The following GALNT10 variants were observed in gnomAD, a reference collection of about 807,000 sequenced individuals.
GALNT10 encodes the protein polypeptide N-acetylgalactosaminyltransferase 10.
In GALNT10, 41 loss-of-function variants were observed where a neutral mutation model predicts 75.0. The ratio of observed to expected loss-of-function variants is 0.55; its 90% CI spans 0.43 to 0.71. The LOEUF (loss-of-function observed/expected upper bound fraction) is 0.71, where lower values mean the gene tolerates loss of function less well. GALNT10 is among the 30% of genes least tolerant of loss of function. The pLI is 0.00. For synonymous variants in GALNT10, 302 were observed against 313.0 expected (o/e 0.96, Z 0.37); for missense variants, 727 against 818.5 (o/e 0.89, Z 1.36).
At chr5:154,286,088 T>C (rs945990167) in intron 1 of GALNT10, among the ~76,000 whole-genome samples, 1 of 152,226 alleles carries the variant, frequency 6.6e-6, no homozygotes, top group African/African-American at 2.4e-5. Flanking sequence ...ACTATCTTTG[T>C]ACCATGTACC....
intron 1 of GALNT10, among the ~76,000 whole-genome samples, chr5:154,283,502 G>A (rs1469362128): frequency 2.0e-5 from 3 of 152,094 alleles, no homozygotes; most frequent in African/African-American, 7.2e-5. Flanking sequence ...GTGACAGAGT[G>A]AGAGTGAGGT....
chr5:154,359,814 C>T (rs751355662), intron 4 of GALNT10, among the ~76,000 whole-genome samples: 19 of 151,082 alleles, frequency 1.3e-4, no homozygotes, highest in Non-Finnish European at 1.6e-4. Context: ...TAAAATACAG[C>T]TTCACTTCTC....
chr5:154,334,842 A>G (rs766796855), intron 4 of GALNT10, among the ~76,000 whole-genome samples: 7 of 152,236 alleles, frequency 4.6e-5, no homozygotes, highest in Non-Finnish European at 4.4e-5. Flanking sequence ...TGGGCCCGTT[A>G]GTTCACATGG....
intron 1 of GALNT10, among the ~76,000 whole-genome samples, chr5:154,262,294 C>T (rs1378702998): frequency 6.6e-6 from 1 of 152,174 alleles, no homozygotes; most frequent in Non-Finnish European, 1.5e-5. Context: ...AGCTAGGTCA[C>T]GGGACCCCTC....
At chr5:154,209,811 GTCTT>G (rs751529120) in intron 1 of GALNT10, among the ~76,000 whole-genome samples, 3 of 152,150 alleles carry the variant, frequency 2.0e-5, no homozygotes, top group Non-Finnish European at 4.4e-5. Context: ...TGGCAGAAGA[GTCTT>G]TCTGATTTAG....
At chr5:154,265,872 A>G (rs945605856) in intron 1 of GALNT10, among the ~76,000 whole-genome samples, 7 of 150,794 alleles carry the variant, frequency 4.6e-5, no homozygotes, top group African/African-American at 1.7e-4. Flanking sequence ...AGTCACCTGG[A>G]GTTTTTCTAT....
chr5:154,311,977 G>A (rs979698833), intron 3 of GALNT10, among the ~76,000 whole-genome samples: 1 of 152,078 alleles, frequency 6.6e-6, no homozygotes, highest in African/African-American at 2.4e-5. Context: ...CTAGTGAGTG[G>A]TATTTGCTAC....
chr5:154,192,478 A>G (rs754935613), intron 1 of GALNT10, among the ~76,000 whole-genome samples: 2 of 152,222 alleles, frequency 1.3e-5, no homozygotes, highest in Non-Finnish European at 2.9e-5. Context: ...CAGTACCAGC[A>G]TCAGAGTCAG....
chr5:154,235,548 G>A (rs914657097), intron 1 of GALNT10, among the ~76,000 whole-genome samples: 1 of 152,138 alleles, frequency 6.6e-6, no homozygotes. Flanking sequence ...GTGTTTATGT[G>A]CTTGAGTGTT....
chr5:154,215,739 G>A (rs530423407), intron 1 of GALNT10, among the ~76,000 whole-genome samples: 2 of 152,088 alleles, frequency 1.3e-5, no homozygotes, highest in Non-Finnish European at 2.9e-5. Context: ...TGTGTGCATC[G>A]CTGCTGCAGG....
intron 7 of GALNT10, chr5:154,386,873 A>G (rs972047872): frequency 1.3e-4 from 28 of 219,374 alleles, no homozygotes; most frequent in Admixed American, 1.2e-3. Flanking sequence ...GAGTTTGACA[A>G]AGACCAGTGA....
chr5:154,234,950 C>T (rs1472492643), intron 1 of GALNT10, among the ~76,000 whole-genome samples: 1 of 152,216 alleles, frequency 6.6e-6, no homozygotes, highest in Non-Finnish European at 1.5e-5. Flanking sequence ...CTGAGATCTG[C>T]TGAGCCTTGA....
intron 1 of GALNT10, among the ~76,000 whole-genome samples, chr5:154,237,988 TGG>T (rs1207406026): frequency 1.3e-5 from 2 of 152,220 alleles, no homozygotes; most frequent in African/African-American, 4.8e-5. Context: ...AGAAGGCTTT[TGG>T]GGCCATTTGT....
rs1180691505 is a variant in GALNT10 at position 154,376,303 on chromosome 5, T to C, written c.595T>C (p.Tyr199His). The change falls in exon 5 of 12, where the codon TAC becomes CAC. Residue 199 changes from tyrosine (Y) to histidine (H), a missense_variant. Physicochemically the swap from Tyr to His is moderately conservative, Grantham distance 83. Transcript: ENST00000297107. The surrounding 1 kb of genome is among the most constrained non-coding windows in gnomAD (Gnocchi z 4.1). ...REHLKKPLED[Y>H]MALFPSVRIL... ...GCACCTGAAGAAGCCTCTTGAAGAC[T>C]ACATGGCCCTTTTCCCCAGTGTGAG... 2.5e-6 allele frequency: 4 copies of C among 1,612,718 alleles called. No individual in the cohort carries two copies. The highest frequency in any genetic ancestry group is 3.4e-6 in the Non-Finnish European group (4 of 1,179,058).
At position 154,376,453 on chromosome 5, in the gene GALNT10, C is replaced by G; in HGVS notation, c.745C>G (p.Pro249Ala). ...HCEANVNWLP[P>A]LLDRIARNRK... ...TGAAGCCAATGTCAACTGGCTTCCCCCCTTGCTTGGTAAGGGAGCCCCTCC... is the reference window on the plus strand; with the variant it reads ...TGAAGCCAATGTCAACTGGCTTCCCGCCTTGCTTGGTAAGGGAGCCCCTCC... Residue 249 changes from proline to alanine, a missense_variant, in exon 5 of 12, where the codon CCC becomes GCC. Pro to Ala is a conservative substitution (Grantham distance 27). Coordinates refer to ENST00000297107, the MANE Select transcript of GALNT10 (RefSeq NM_198321.4). The surrounding 1 kb of genome is among the most constrained non-coding windows in gnomAD (Gnocchi z 4.1). 1 of 1,573,512 alleles carries G rather than the reference C, an allele frequency of 6.4e-7. No homozygotes were observed. Among genetic ancestry groups the G allele is most frequent in the East Asian group, 2.3e-5 (1 of 43,310 alleles).
At chr5:154,247,190 T>C (rs571925265) in intron 1 of GALNT10, among the ~76,000 whole-genome samples, 4 of 152,290 alleles carry the variant, frequency 2.6e-5, no homozygotes, top group Admixed American at 2.0e-4. Flanking sequence ...GGTACCAGTA[T>C]CACGCTGTTT....
intron 10 of GALNT10, among the ~76,000 whole-genome samples, chr5:154,413,726 T>C (rs2113226144): frequency 6.6e-6 from 1 of 152,328 alleles, no homozygotes; most frequent in Middle Eastern, 3.4e-3. Flanking sequence ...GTTACAGTGA[T>C]TGTGCCATGC....
chr5:154,367,797 G>A (rs964736413), intron 4 of GALNT10, among the ~76,000 whole-genome samples: 1 of 151,388 alleles, frequency 6.6e-6, no homozygotes, highest in Non-Finnish European at 1.5e-5. Flanking sequence ...GGCGGAGGTT[G>A]CAGTGAGCCG....
intron 4 of GALNT10, among the ~76,000 whole-genome samples, chr5:154,359,154 TCTC>T (rs1478974226): frequency 1.3e-5 from 2 of 152,148 alleles, no homozygotes. Flanking sequence ...TGAAGGGCTG[TCTC>T]CTCCTTCATG....
Sources: allele counts gnomAD v4.1 joint callset (sites outside exome capture counted in the v4.1 genomes callset), GRCh38; gene constraint gnomAD v4.1.1; non-coding constraint Gnocchi (gnomAD v3.1); transcripts MANE v1.5; gene names NCBI Gene and HGNC (gene_info 2026-07-23, HGNC 2026-07-21).